Variants in DDC observed in about 807,000 individuals in gnomAD.
The protein encoded by DDC is dopa decarboxylase, also known as aromatic-L-amino-acid decarboxylase.
DDC carries 43 observed loss-of-function variants against 60.0 expected under a neutral mutation model. The ratio of observed to expected loss-of-function variants is 0.72; its 90% CI spans 0.56 to 0.92. The LOEUF (loss-of-function observed/expected upper bound fraction) is 0.92. Ranked by LOEUF, DDC falls within the 40% of genes least tolerant of loss-of-function variation. The probability of loss-of-function intolerance (pLI) is 0.00; values close to 1 mark genes in which losing one functional copy is unlikely to be tolerated. For synonymous variants in DDC, 232 were observed against 234.6 expected, an observed-to-expected ratio of 0.99 and a Z score of 0.10; for missense variants, 573 against 620.2, an observed-to-expected ratio of 0.92 and a Z score of 0.81.
At chr7:50,461,059 A>T (rs1013893816) in intron 14 of DDC, among the ~76,000 whole-genome samples, 1 of 149,808 alleles carries the variant, frequency 6.7e-6, no homozygotes, top group African/African-American at 2.4e-5. Context: ...AAAAAAAAAT[A>T]AATAAATAAA....
chr7:50,484,672 G>A (rs892235998), intron 9 of DDC, among the ~76,000 whole-genome samples: 2 of 152,266 alleles, frequency 1.3e-5, no homozygotes, highest in South Asian at 2.1e-4. Context: ...CACACACAGA[G>A]AAACATGCTT....
chr7:50,481,417 A>G (rs1276378422), intron 9 of DDC, among the ~76,000 whole-genome samples: 1 of 152,122 alleles, frequency 6.6e-6, no homozygotes, highest in East Asian at 1.9e-4. Context: ...CTGTGCCTAG[A>G]CTTAAAAAGA....
intron 6 of DDC, among the ~76,000 whole-genome samples, chr7:50,527,284 A>G (rs11575352): frequency 0.42 from 64,456 of 152,056 alleles, 14,739 homozygotes; most frequent in Non-Finnish European, 0.52. Context: ...TGTAAAATAC[A>G]ATCTTAACAT....
intron 11 of DDC, among the ~76,000 whole-genome samples, chr7:50,471,917 T>C (rs1026888389): frequency 1.3e-5 from 2 of 152,202 alleles, no homozygotes. Flanking sequence ...AAATCATTCC[T>C]CGACTGGTCA....
chr7:50,496,103 T>C (rs1036058581), intron 8 of DDC, among the ~76,000 whole-genome samples: 7 of 152,104 alleles, frequency 4.6e-5, no homozygotes, highest in Non-Finnish European at 8.8e-5. Flanking sequence ...CTCTTTTTTT[T>C]TTTTTGAGCG....
At chr7:50,476,730 T>A in intron 10 of DDC, 87 bp from the exon 11 acceptor site, 5 of 1,312,430 alleles carry the variant, frequency 3.8e-6, no homozygotes, top group South Asian at 2.4e-5. Context: ...TCCAGGTAAA[T>A]TTCTTGTGTC....
intron 9 of DDC, chr7:50,492,816 A>C: frequency 6.7e-7 from 1 of 1,503,304 alleles, no homozygotes; most frequent in Non-Finnish European, 8.9e-7. Context: ...AGCGCCGGGG[A>C]AGAGTTGTCC....
At chr7:50,509,303 A>C (rs1453136388) in intron 6 of DDC, among the ~76,000 whole-genome samples, 1 of 152,230 alleles carries the variant, frequency 6.6e-6, no homozygotes, top group Non-Finnish European at 1.5e-5. Context: ...TCTTTAGGGC[A>C]AAATTCCAAC....
intron 13 of DDC, among the ~76,000 whole-genome samples, chr7:50,466,867 A>C (rs2042410138): frequency 6.6e-6 from 1 of 152,246 alleles, no homozygotes; most frequent in Admixed American, 6.5e-5. Flanking sequence ...TCCACAGAAG[A>C]CACTCAGATT....
chr7:50,564,597 A>G (rs1359700212), intron 1 of DDC, among the ~76,000 whole-genome samples: 3 of 152,238 alleles, frequency 2.0e-5, no homozygotes, highest in African/African-American at 4.8e-5. Context: ...ACTTCCGACA[A>G]CAGACTTAAA....
At chr7:50,486,755 T>A (rs1286980716) in intron 9 of DDC, among the ~76,000 whole-genome samples, 3 of 152,180 alleles carry the variant, frequency 2.0e-5, no homozygotes, top group Non-Finnish European at 4.4e-5. Flanking sequence ...GACACCCCAA[T>A]TCACTCTGCC....
intron 1 of DDC, among the ~76,000 whole-genome samples, chr7:50,545,065 G>A (rs1472930580): frequency 6.6e-6 from 1 of 152,182 alleles, no homozygotes; most frequent in Non-Finnish European, 1.5e-5. Context: ...ATTTTAAACA[G>A]CAAAATCACC....
intron 9 of DDC, among the ~76,000 whole-genome samples, chr7:50,483,003 C>CTT (rs200562033): frequency 3.4e-5 from 5 of 147,558 alleles, no homozygotes; most frequent in African/African-American, 1.2e-4. Flanking sequence ...ACTTCTTTAT[C>CTT]TTTTTTTTTT....
intron 9 of DDC, among the ~76,000 whole-genome samples, chr7:50,493,569 C>T (rs1197928545): frequency 2.6e-5 from 4 of 152,216 alleles, no homozygotes; most frequent in Non-Finnish European, 5.9e-5. Context: ...CTCTGGCACA[C>T]GGTGCAAACT....
chr7:50,552,325 G>C (rs961905825), intron 1 of DDC, among the ~76,000 whole-genome samples: 3 of 152,132 alleles, frequency 2.0e-5, no homozygotes, highest in Non-Finnish European at 4.4e-5. Context: ...AGCTTCTGTT[G>C]ACATAAACTG....
chr7:50,480,239 T>G (rs954892259), intron 9 of DDC, among the ~76,000 whole-genome samples: 1 of 152,114 alleles, frequency 6.6e-6, no homozygotes, highest in Non-Finnish European at 1.5e-5. Context: ...CCCTACTGAA[T>G]GAAACTCCGT....
chr7:50,466,982 G>T (rs570434988), intron 13 of DDC, among the ~76,000 whole-genome samples: 1 of 152,366 alleles, frequency 6.6e-6, no homozygotes, highest in Admixed American at 6.5e-5. Context: ...CGGCCAATAA[G>T]CTATGTAAGT....
intron 1 of DDC, among the ~76,000 whole-genome samples, chr7:50,550,508 T>A (rs1425702466): frequency 6.6e-6 from 1 of 152,140 alleles, no homozygotes; most frequent in Non-Finnish European, 1.5e-5. Flanking sequence ...TTTAGAAAGT[T>A]TATTTTGCCA....
chr7:50,548,594 G>T (rs2044881372), intron 1 of DDC, among the ~76,000 whole-genome samples: 1 of 152,194 alleles, frequency 6.6e-6, no homozygotes, highest in South Asian at 2.1e-4. Flanking sequence ...TGAGAAAGTT[G>T]CAGAAAAAAT....
Sources: allele counts gnomAD v4.1 joint callset (sites outside exome capture counted in the v4.1 genomes callset), GRCh38; gene constraint gnomAD v4.1.1; transcripts MANE v1.5; gene names NCBI Gene and HGNC (gene_info 2026-07-23, HGNC 2026-07-21).